KCNS3: variants seen among roughly 807,000 people sequenced by gnomAD.
KCNS3 encodes potassium voltage-gated channel modifier subfamily S member 3.
A neutral mutation model predicts 31.0 loss-of-function variants in KCNS3; 13 were observed. The observed-to-expected ratio is 0.42, with a 90% CI of 0.27 to 0.67. KCNS3 has a LOEUF of 0.67. KCNS3 is among the 30% of genes least tolerant of loss of function. The probability of loss-of-function intolerance (pLI) is 0.25; values close to 1 mark genes in which losing one functional copy is unlikely to be tolerated. For missense variants in KCNS3, 545 were observed against 622.4 expected (o/e 0.88, Z 1.32); for synonymous variants, 238 against 241.5 (o/e 0.99, Z 0.13).
At chr2:17,879,629 G>C (rs2125228445) in intron 1 of KCNS3, among the ~76,000 whole-genome samples, 1 of 152,258 alleles carries the variant, frequency 6.6e-6, no homozygotes, top group Non-Finnish European at 1.5e-5. Flanking sequence ...CAGGGGCCGC[G>C]GCGAGCCTGG....
rs112894858 is a variant in KCNS3 at position 17,892,287 on chromosome 2, T to G, written c.-252+13481T>G. 3.9e-3 allele frequency among the ~76,000 whole-genome samples: 595 copies of G among 152,016 alleles called. 4 individuals are homozygous for G. The highest frequency in any genetic ancestry group is 0.014 in the African/African-American group (571 of 41,476). ...GAAGTTTCCTGAAATTTTTATTGTTTTTTTTTTAAGCTATCTATTTCCTTG... is the reference window on the plus strand; with the variant it reads ...GAAGTTTCCTGAAATTTTTATTGTTGTTTTTTTAAGCTATCTATTTCCTTG... On this transcript the variant is annotated intron_variant, in intron 1 of 2. Coordinates refer to ENST00000304101, the MANE Select transcript of KCNS3 (RefSeq NM_002252.5).
chr2:17,921,913 G>GTATATATA (rs1373281256), intron 2 of KCNS3, among the ~76,000 whole-genome samples: 155 of 34,006 alleles, frequency 4.6e-3, no homozygotes, highest in Admixed American at 5.1e-3. Context: ...GTGTGTGTGT[G>GTATATATA]TGTATATATA....
At chr2:17,904,550 A>G (rs1662269218) in intron 1 of KCNS3, among the ~76,000 whole-genome samples, 3 of 152,020 alleles carry the variant, frequency 2.0e-5, no homozygotes, top group African/African-American at 7.2e-5. Context: ...TATGTCCTGA[A>G]TGGTATTGCC....
chr2:17,882,065 A>G (rs1263848174), intron 1 of KCNS3, among the ~76,000 whole-genome samples: 2 of 152,222 alleles, frequency 1.3e-5, no homozygotes, highest in Admixed American at 6.5e-5. Flanking sequence ...AAATTTGTCA[A>G]GTAAATCAAC....
At chr2:17,914,561 C>T (rs2125247233) in intron 1 of KCNS3, among the ~76,000 whole-genome samples, 1 of 152,350 alleles carries the variant, frequency 6.6e-6, no homozygotes, top group East Asian at 1.9e-4. Flanking sequence ...AGCTGCCTTT[C>T]ATTATCCACA....
chr2:17,908,856 G>A (rs1662401553), intron 1 of KCNS3, among the ~76,000 whole-genome samples: 1 of 152,228 alleles, frequency 6.6e-6, no homozygotes, highest in South Asian at 2.1e-4. Flanking sequence ...CGTGTGAAGT[G>A]TCAGTCTGCC....
At chr2:17,907,579 T>G (rs1453283646) in intron 1 of KCNS3, among the ~76,000 whole-genome samples, 1 of 152,228 alleles carries the variant, frequency 6.6e-6, no homozygotes, top group Non-Finnish European at 1.5e-5. Flanking sequence ...ATTTGTCATG[T>G]TTTTGCAGTG....
intron 1 of KCNS3, among the ~76,000 whole-genome samples, chr2:17,884,266 AAAATATATATAT>A (rs1328507611): frequency 6.6e-4 from 30 of 45,146 alleles, no homozygotes; most frequent in African/African-American, 1.6e-3. Context: ...TAAAAAAAAA[AAAATATATATAT>A]ATATATATAT....
At chr2:17,880,489 T>C (rs1385075173) in intron 1 of KCNS3, among the ~76,000 whole-genome samples, 1 of 152,216 alleles carries the variant, frequency 6.6e-6, no homozygotes, top group African/African-American at 2.4e-5. Flanking sequence ...ATTGTCAATA[T>C]TGGGATCCGG....
At chr2:17,883,523 T>A (rs1674691007) in intron 1 of KCNS3, among the ~76,000 whole-genome samples, 2 of 152,042 alleles carry the variant, frequency 1.3e-5, no homozygotes, top group Non-Finnish European at 2.9e-5. Context: ...AGGGAGGCAC[T>A]AGTTTAGATG....
At chr2:17,922,487 C>T (rs1206285271) in intron 2 of KCNS3, among the ~76,000 whole-genome samples, 1 of 152,044 alleles carries the variant, frequency 6.6e-6, no homozygotes, top group Non-Finnish European at 1.5e-5. Context: ...GGGATGGAAT[C>T]CCTTTTTAAA....
intron 1 of KCNS3, among the ~76,000 whole-genome samples, chr2:17,915,112 A>T (rs964465680): frequency 6.6e-6 from 1 of 152,104 alleles, no homozygotes; most frequent in Non-Finnish European, 1.5e-5. Context: ...TAGTCAACCC[A>T]CCAGGAAATG....
chr2:17,930,699 T>A (rs1662940904), intron 2 of KCNS3, among the ~76,000 whole-genome samples: 1 of 152,152 alleles, frequency 6.6e-6, no homozygotes, highest in Admixed American at 6.5e-5. Context: ...GCAATTAGGG[T>A]TCATACAAAT....
intron 2 of KCNS3, among the ~76,000 whole-genome samples, chr2:17,920,318 G>C (rs894288794): frequency 6.6e-6 from 1 of 152,168 alleles, no homozygotes; most frequent in Non-Finnish European, 1.5e-5. Flanking sequence ...TCTGAGCAAA[G>C]CAGGTGCATT....
chr2:17,893,337 C>T (rs1661903464), intron 1 of KCNS3, among the ~76,000 whole-genome samples: 1 of 152,220 alleles, frequency 6.6e-6, no homozygotes, highest in Non-Finnish European at 1.5e-5. Context: ...TGCCCGAGGC[C>T]ATCTGCCTCC....
At chr2:17,891,938 G>T (rs950241158) in intron 1 of KCNS3, among the ~76,000 whole-genome samples, 2 of 152,102 alleles carry the variant, frequency 1.3e-5, no homozygotes, top group Non-Finnish European at 2.9e-5. Flanking sequence ...TTTTCCAGGT[G>T]TTCTTTGTGC....
At chr2:17,917,527 G>A (rs1401733150) in intron 1 of KCNS3, among the ~76,000 whole-genome samples, 153 bp from the exon 2 acceptor site, 1 of 152,118 alleles carries the variant, frequency 6.6e-6, no homozygotes, top group Non-Finnish European at 1.5e-5. Flanking sequence ...GTTCCACAGG[G>A]GGAAGAGACC....
intron 1 of KCNS3, among the ~76,000 whole-genome samples, chr2:17,899,689 C>G (rs866560193): frequency 6.6e-6 from 1 of 152,118 alleles, no homozygotes; most frequent in Non-Finnish European, 1.5e-5. Context: ...TCAAATAGTG[C>G]CTGGCACAAA....
chr2:17,888,590 G>A (rs1661747424), intron 1 of KCNS3, among the ~76,000 whole-genome samples: 1 of 135,882 alleles, frequency 7.4e-6, no homozygotes, highest in Non-Finnish European at 1.5e-5. Context: ...TGCACGTTGT[G>A]CACATGTACC....
Sources: gnomAD v4.1 joint callset for allele counts (sites outside exome capture counted in the v4.1 genomes callset) on GRCh38, gnomAD v4.1.1 for gene constraint, MANE v1.5 for transcripts, NCBI Gene and HGNC (gene_info 2026-07-23, HGNC 2026-07-21) for gene names.